Variants in SETD3 observed in about 807,000 individuals in gnomAD.
SETD3 encodes SET domain containing 3, actin N3(tau)-histidine methyltransferase, also known as actin-histidine N-methyltransferase.
Under a neutral mutation model 63.0 loss-of-function variants are expected in SETD3, and 19 were observed. The observed-to-expected ratio is 0.30, with a 90% CI of 0.21 to 0.44. The LOEUF (loss-of-function observed/expected upper bound fraction) is 0.44, where lower values mean the gene tolerates loss of function less well. Among genes scored for constraint, SETD3 ranks in the 20% least tolerant of loss-of-function variants. The pLI is 1.00. For synonymous variants in SETD3, 286 were observed against 264.1 expected (o/e 1.08, Z -0.80); for missense variants, 587 against 728.5 (o/e 0.81, Z 2.24).
intron 1 of SETD3, among the ~76,000 whole-genome samples, chr14:99,471,874 C>G (rs1048899992): frequency 6.6e-6 from 1 of 152,120 alleles, no homozygotes; most frequent in Admixed American, 6.5e-5. Context: ...ACCAAGGACA[C>G]GAGCATCCGC....
intron 3 of SETD3, among the ~76,000 whole-genome samples, chr14:99,462,280 G>A (rs1281199884): frequency 6.6e-6 from 1 of 152,152 alleles, no homozygotes; most frequent in Non-Finnish European, 1.5e-5. Flanking sequence ...GTCCTATGTA[G>A]TCAAAAAGAT....
rs115420785 is a variant in SETD3, at chr14:99,427,732, G to A, written c.676-13798C>T. ...GCAAGGCATTGTGGGGGGACAATGA[G>A]CAAGATGAGTTCCCTGCTTTTAAGG... On this transcript the variant is annotated intron_variant, in intron 6 of 12. Coordinates refer to ENST00000331768, the MANE Select transcript of SETD3 (RefSeq NM_032233.3). Among the ~76,000 whole-genome samples, 1,047 of 152,288 alleles carry A rather than the reference G, an allele frequency of 6.9e-3. 8 individuals are homozygous for A. Among genetic ancestry groups the A allele is most frequent in the African/African-American group, 0.023 (967 of 41,554 alleles).
intron 8 of SETD3, chr14:99,412,692 C>A (rs981543937): frequency 5.6e-6 from 2 of 357,028 alleles, no homozygotes; most frequent in African/African-American, 2.1e-5. Context: ...GCTTAGCAAA[C>A]ACATGTAGTT....
At chr14:99,432,857 T>A (rs929776460) in intron 6 of SETD3, among the ~76,000 whole-genome samples, 37 of 151,926 alleles carry the variant, frequency 2.4e-4, no homozygotes, top group African/African-American at 7.7e-4. Flanking sequence ...AGCCAAAATG[T>A]CTCTATTCCC....
chr14:99,431,442 G>A (rs1893172641), intron 6 of SETD3, among the ~76,000 whole-genome samples: 1 of 152,088 alleles, frequency 6.6e-6, no homozygotes, highest in African/African-American at 2.4e-5. Context: ...ACGCAGAAAA[G>A]TACAAGAGGG....
At chr14:99,452,869 T>C (rs1416478982) in intron 6 of SETD3, among the ~76,000 whole-genome samples, 2 of 151,980 alleles carry the variant, frequency 1.3e-5, no homozygotes, top group African/African-American at 4.8e-5. Context: ...ACAAAATAGG[T>C]TTCAGTTCAC....
chr14:99,402,136 T>C (rs2139610154), intron 11 of SETD3, among the ~76,000 whole-genome samples: 1 of 152,290 alleles, frequency 6.6e-6, no homozygotes. Flanking sequence ...CTCAAGCTCC[T>C]CCCTATGCTA....
At chr14:99,420,528 C>A (rs1892528483) in intron 6 of SETD3, among the ~76,000 whole-genome samples, 1 of 152,078 alleles carries the variant, frequency 6.6e-6, no homozygotes, top group Admixed American at 6.5e-5. Context: ...AATCTGATCT[C>A]CACATTCCTC....
intron 6 of SETD3, among the ~76,000 whole-genome samples, chr14:99,456,069 T>A (rs8003384): frequency 1.3e-5 from 2 of 151,968 alleles, no homozygotes; most frequent in African/African-American, 4.8e-5. Context: ...GGTGGGAGGA[T>A]TGCTTGAGCC....
chr14:99,444,733 G>A (rs773352777), intron 6 of SETD3, among the ~76,000 whole-genome samples: 3 of 152,076 alleles, frequency 2.0e-5, no homozygotes, highest in African/African-American at 4.8e-5. Context: ...GGTGGTGCAC[G>A]CTGACGTGGG....
At position 99,449,222 on chromosome 14, in the gene SETD3, G is replaced by C. The variant is rs554594847; in HGVS notation, c.675+9057C>G. ...TCACCACTTGGCAAACACTACAGTA[G>C]TAACTATTACAGACAAAAATCATGA... On this transcript the variant is annotated intron_variant, in intron 6 of 12. Coordinates refer to ENST00000331768, the MANE Select transcript of SETD3 (RefSeq NM_032233.3). 7.4e-4 allele frequency among the ~76,000 whole-genome samples: 112 copies of C among 152,288 alleles called. 1 individual carries two copies. The highest frequency in any genetic ancestry group is 2.2e-3 in the African/African-American group (93 of 41,568).
chr14:99,414,444 A>C (rs1334548373), intron 6 of SETD3, among the ~76,000 whole-genome samples: 1 of 152,254 alleles, frequency 6.6e-6, no homozygotes, highest in East Asian at 1.9e-4. Flanking sequence ...ATTTCATGGG[A>C]ATCAACTTGT....
chr14:99,477,359 G>A (rs531940340), intron 1 of SETD3, among the ~76,000 whole-genome samples: 2 of 151,466 alleles, frequency 1.3e-5, no homozygotes, highest in African/African-American at 2.5e-5. Context: ...AAGTGGAAAC[G>A]GGGTCAACAC....
At chr14:99,420,410 T>C (rs1892522570) in intron 6 of SETD3, among the ~76,000 whole-genome samples, 1 of 152,176 alleles carries the variant, frequency 6.6e-6, no homozygotes, top group Non-Finnish European at 1.5e-5. Context: ...ATCTTCTTTC[T>C]CCAAGTGACA....
At chr14:99,421,482 A>T (rs1892595364) in intron 6 of SETD3, among the ~76,000 whole-genome samples, 1 of 152,100 alleles carries the variant, frequency 6.6e-6, no homozygotes, top group Non-Finnish European at 1.5e-5. Flanking sequence ...TAGGACCACC[A>T]TAATGAAACC....
In SETD3 at chr14:99,399,081, T is replaced by C. The variant is rs760453399; in HGVS notation, c.1383A>G (p.Ala461=). The change falls in exon 13 of 13, where the codon GCA becomes GCG. Residue 461 remains alanine, a synonymous_variant. Transcript: ENST00000331768. ...CTAAGCGCAATTTGATGGCCATTTT[T>C]GCACGAACAGAAAGATCGTGGTTTT... is the stretch of plus-strand genomic sequence containing the variant. The part of the protein sequence containing the change: ...VLKNHDLSVR[A]KMAIKLRLGE... 21 of 1,614,150 alleles carry C rather than the reference T, an allele frequency of 1.3e-5. No homozygotes were observed. Among genetic ancestry groups the C allele is most frequent in the Non-Finnish European group, 1.8e-5 (21 of 1,180,016 alleles).
At chr14:99,482,541 T>C (rs1250079231), upstream of SETD3, among the ~76,000 whole-genome samples, 1 of 152,234 alleles carries the variant, frequency 6.6e-6, no homozygotes, top group Non-Finnish European at 1.5e-5. Flanking sequence ...ATATAATAAT[T>C]ATCCAAGATT....
intron 6 of SETD3, among the ~76,000 whole-genome samples, chr14:99,415,835 A>G (rs1411192463): frequency 1.3e-5 from 2 of 152,332 alleles, no homozygotes; most frequent in Non-Finnish European, 2.9e-5. Context: ...GAGAAAGGAA[A>G]TAACTCTCTC....
At chr14:99,486,131 T>C in the SETD3 span, among the ~76,000 whole-genome samples, 1 of 152,210 alleles carries the variant, frequency 6.6e-6, no homozygotes, top group Non-Finnish European at 1.5e-5. Flanking sequence ...AAGTAAACTT[T>C]CCTTAGTTCC....
Sources: allele counts gnomAD v4.1 joint callset (sites outside exome capture counted in the v4.1 genomes callset), GRCh38; gene constraint gnomAD v4.1.1; transcripts MANE v1.5; gene names NCBI Gene and HGNC (gene_info 2026-07-23, HGNC 2026-07-21).